Variants in TEX22 observed in about 807,000 individuals in gnomAD.
TEX22 encodes testis-expressed protein 22.
In TEX22, 16 loss-of-function variants were observed where a neutral mutation model predicts 11.3. That is an observed-to-expected ratio of 1.42 (90% CI 0.96 to 2.15). The LOEUF is 2.15. Among genes scored for constraint, TEX22 ranks in the 30% most tolerant of loss-of-function variants. The pLI is 0.00. For missense variants in TEX22, 220 were observed against 208.6 expected, an observed-to-expected ratio of 1.05 and a Z score of -0.34; for synonymous variants, 97 against 92.3, an observed-to-expected ratio of 1.05 and a Z score of -0.29.
intron 3 of TEX22, 30 bp downstream of exon 3, chr14:105,411,526 G>GGGC: frequency 5.1e-6 from 1 of 196,940 alleles, no homozygotes; most frequent in Non-Finnish European, 6.5e-6. Flanking sequence ...TCCCCGCCCC[G>GGGC]TCCCCGCCCC....
chr14:105,405,645 C>T (rs1025475530), intron 2 of TEX22, among the ~76,000 whole-genome samples: 1 of 152,286 alleles, frequency 6.6e-6, no homozygotes, highest in African/African-American at 2.4e-5. Flanking sequence ...GTTGTGTGGA[C>T]GCCTGTTGCG....
At chr14:105,402,659 G>A (rs1477017855) in intron 2 of TEX22, among the ~76,000 whole-genome samples, 1 of 151,990 alleles carries the variant, frequency 6.6e-6, no homozygotes, top group Non-Finnish European at 1.5e-5. Flanking sequence ...GGGAGGCTGA[G>A]GCAGGAGAAT....
intron 2 of TEX22, among the ~76,000 whole-genome samples, chr14:105,409,332 GATATGAAAATATCTTT>G (rs1443005090): frequency 6.6e-6 from 1 of 152,192 alleles, no homozygotes; most frequent in Admixed American, 6.5e-5. Flanking sequence ...AGACTCTAAA[GATATGAAAATATCTTT>G]ATTCTGCCTG....
At position 105,411,919 on chromosome 14, in the gene TEX22, C is replaced by T. The variant is rs1555419461; in HGVS notation, c.*86C>T. On this transcript the variant is annotated 3_prime_UTR_variant, in exon 4 of 4. Coordinates refer to ENST00000451127, the MANE Select transcript of TEX22 (RefSeq NM_001195082.2). ...GCAGCCTCTGCGCCTTCTTTGTGCC[C>T]CACCAGGGGGTCACCACCCACCCAT... is the stretch of plus-strand genomic sequence containing the variant. The T allele has an allele frequency of 7.7e-7, 1 of 1,298,184 alleles. No individual in the cohort carries two copies. The highest frequency in any genetic ancestry group is 3.1e-5 in the East Asian group (1 of 32,596). The allele number at this position is 1,298,184 out of a possible 1,614,324, so 80.4% of individuals were successfully genotyped here.
chr14:105,400,205 A>G (rs2081619266), intron 2 of TEX22, among the ~76,000 whole-genome samples: 1 of 152,194 alleles, frequency 6.6e-6, no homozygotes. Flanking sequence ...GGCGCTGGTC[A>G]TGCGGCCAGT....
chr14:105,399,512 C>A, intron 2 of TEX22, 22 bp downstream of exon 2: 1 of 1,518,030 alleles, frequency 6.6e-7, no homozygotes, highest in Non-Finnish European at 8.8e-7. Flanking sequence ...GAAACCCTGG[C>A]CGAGGCTACT....
rs1164200366 is a variant in TEX22 at position 105,411,800 on chromosome 14, G to A, written c.420G>A (p.Ala140=). The A allele has an allele frequency of 6.8e-7, 1 of 1,465,994 alleles. No individual in the cohort carries two copies. The highest frequency in any genetic ancestry group is 9.0e-7 in the Non-Finnish European group (1 of 1,106,774). 90.8% of individuals were successfully genotyped at this position (1,465,994 alleles called of 1,614,324 possible). ...LARSAPFWHN[A]TFEASRSPPS ...GCAGTGCGCCTTTCTGGCATAATGC[G>A]ACTTTCGAGGCCTCGAGGTCACCCC... The change falls in exon 4 of 4, where the codon GCG becomes GCA. Residue 140 remains alanine, a synonymous_variant. Transcript: ENST00000451127.
chr14:105,399,610 A>G, intron 2 of TEX22, 120 bp downstream of exon 2: 1 of 1,147,100 alleles, frequency 8.7e-7, no homozygotes, highest in Non-Finnish European at 1.2e-6. Flanking sequence ...CTGAGTGGGG[A>G]CTGATGAGAA....
chr14:105,398,858 C>G (rs2141352050), intron 1 of TEX22, among the ~76,000 whole-genome samples: 1 of 152,338 alleles, frequency 6.6e-6, no homozygotes, highest in South Asian at 2.1e-4. Flanking sequence ...GGGGCGAGGC[C>G]TGGGCCGCGT....
chr14:105,403,781 A>T lies in TEX22; in HGVS notation c.150+4291A>T, dbSNP rs146537490. On this transcript the variant is annotated intron_variant, in intron 2 of 3. Transcript: ENST00000451127. ...AAACAATTCAGTGTTTTTTAAAAAA[A>T]CAGACTTCATGAATCTTGAAAATTT... Among the ~76,000 whole-genome samples, 1,002 of 152,350 alleles carry T rather than the reference A, an allele frequency of 6.6e-3. 17 individuals carry two copies. The highest frequency in any genetic ancestry group is 0.023 in the African/African-American group (938 of 41,570).
intron 2 of TEX22, among the ~76,000 whole-genome samples, chr14:105,408,962 CCTCCTG>C: frequency 6.7e-6 from 1 of 148,478 alleles, no homozygotes; most frequent in South Asian, 2.2e-4. Flanking sequence ...CCCTCCCCCT[CCTCCTG>C]CTCCTCCTCC....
intron 2 of TEX22, among the ~76,000 whole-genome samples, chr14:105,410,642 G>A (rs2081684599): frequency 6.6e-6 from 1 of 152,238 alleles, no homozygotes; most frequent in Non-Finnish European, 1.5e-5. Context: ...GGGTTTGCAT[G>A]AATCCCACTC....
Position 105,411,964 on chromosome 14 carries a change from C to A in TEX22, c.*131C>A. 1.1e-6 allele frequency: 1 copy of A among 932,796 alleles called. No homozygotes were observed. Among genetic ancestry groups the A allele is most frequent in the Non-Finnish European group, 1.5e-6 (1 of 665,682 alleles). The allele number at this position is 932,796 out of a possible 1,614,324, so 57.8% of individuals were successfully genotyped here. On this transcript the variant is annotated 3_prime_UTR_variant, in exon 4 of 4. Coordinates refer to ENST00000451127, the MANE Select transcript of TEX22 (RefSeq NM_001195082.2). ...ACCCATGTTAGGAAAACAGGCCAGG[C>A]AGGACCTGGCTCCGGACAGCCTGCA...
At chr14:105,407,568 A>G (rs985960962) in intron 2 of TEX22, among the ~76,000 whole-genome samples, 27 of 151,826 alleles carry the variant, frequency 1.8e-4, no homozygotes, top group African/African-American at 6.5e-4. Flanking sequence ...AGGTCTCCCT[A>G]TGTTGCCCAG....
At chr14:105,404,966 A>G (rs2081651115) in intron 2 of TEX22, among the ~76,000 whole-genome samples, 1 of 152,174 alleles carries the variant, frequency 6.6e-6, no homozygotes, top group East Asian at 1.9e-4. Flanking sequence ...AAATGTCAAG[A>G]TGGTGCCTGT....
intron 2 of TEX22, among the ~76,000 whole-genome samples, 186 bp from the exon 3 acceptor site, chr14:105,411,182 A>T (rs1370324182): frequency 3.3e-5 from 5 of 152,228 alleles, no homozygotes; most frequent in Non-Finnish European, 7.3e-5. Context: ...GACTGTGCAA[A>T]GCCACAGAGG....
chr14:105,401,429 G>A (rs1404792162), intron 2 of TEX22, among the ~76,000 whole-genome samples: 1 of 152,024 alleles, frequency 6.6e-6, no homozygotes, highest in Non-Finnish European at 1.5e-5. Flanking sequence ...CATGTCCTTT[G>A]TAGGGACATG....
intron 3 of TEX22, 43 bp from the exon 4 acceptor site, chr14:105,411,617 C>G (rs1555419399): frequency 6.8e-7 from 1 of 1,468,726 alleles, no homozygotes; most frequent in Non-Finnish European, 9.0e-7. Context: ...CGCCGTTGTC[C>G]CCTTCCCGCC....
chr14:105,411,521 G>GGGGGCC (rs2081691395), intron 3 of TEX22, 25 bp downstream of exon 3: 44 of 458,464 alleles, frequency 9.6e-5, no homozygotes, highest in East Asian at 5.3e-4. Flanking sequence ...GGTCCTCCCC[G>GGGGGCC]CCCCGTCCCC....
Sources: gnomAD v4.1 joint callset for allele counts (sites outside exome capture counted in the v4.1 genomes callset) on GRCh38, gnomAD v4.1.1 for gene constraint, MANE v1.5 for transcripts, NCBI Gene and HGNC (gene_info 2026-07-23, HGNC 2026-07-21) for gene names.